The following SSUH2 variants were observed in gnomAD, a reference collection of about 807,000 sequenced individuals.
SSUH2 encodes ssu-2 homolog.
SSUH2 carries 47 observed loss-of-function variants against 55.3 expected under a neutral mutation model. The observed-to-expected ratio is 0.85, with a 90% CI of 0.67 to 1.08. The LOEUF is 1.08. SSUH2 is among the 50% of genes least tolerant of loss of function. SSUH2 has a pLI of 0.00. For synonymous variants in SSUH2, 212 were observed against 191.5 expected (o/e 1.11, Z -0.89); for missense variants, 535 against 490.7 (o/e 1.09, Z -0.85).
chr3:8,623,476 C>G (rs546681134), intron 11 of SSUH2, 73 bp downstream of exon 11: 2 of 933,828 alleles, frequency 2.1e-6, no homozygotes, highest in South Asian at 1.4e-5. Flanking sequence ...TCCGCTCCGA[C>G]GTTCTCAGGA....
intron 3 of SSUH2, among the ~76,000 whole-genome samples, chr3:8,673,978 C>T (rs749421654): frequency 2.0e-5 from 3 of 152,236 alleles, no homozygotes; most frequent in Non-Finnish European, 4.4e-5. Flanking sequence ...AAAATCAGCA[C>T]ATGATTCACA....
At chr3:8,680,252 C>G (rs1263187335) in intron 1 of SSUH2, among the ~76,000 whole-genome samples, 1 of 152,170 alleles carries the variant, frequency 6.6e-6, no homozygotes, top group Non-Finnish European at 1.5e-5. Flanking sequence ...AGCAAAGAAG[C>G]TGACTCCTGG....
intron 1 of SSUH2, among the ~76,000 whole-genome samples, chr3:8,642,391 G>T (rs1225488336): frequency 6.6e-6 from 1 of 152,186 alleles, no homozygotes; most frequent in Non-Finnish European, 1.5e-5. Flanking sequence ...TAGACTTGCA[G>T]CCTGGAATCA....
chr3:8,656,244 T>C (rs1422200877), intron 7 of SSUH2, among the ~76,000 whole-genome samples: 1 of 152,246 alleles, frequency 6.6e-6, no homozygotes, highest in East Asian at 1.9e-4. Context: ...CTCTTTTCCA[T>C]GTTCTGCTAA....
chr3:8,664,433 G>A (rs1156259889), intron 5 of SSUH2, among the ~76,000 whole-genome samples: 1 of 152,188 alleles, frequency 6.6e-6, no homozygotes, highest in Non-Finnish European at 1.5e-5. Context: ...CCAATTTGGA[G>A]CATTCATTTA....
chr3:8,644,607 G>A, intron 1 of SSUH2, 124 bp downstream of exon 1: 1 of 870,548 alleles, frequency 1.1e-6, no homozygotes, highest in Non-Finnish European at 1.8e-6. Flanking sequence ...TAGCTACAGA[G>A]CTTATTAGAA....
intron 11 of SSUH2, among the ~76,000 whole-genome samples, chr3:8,620,414 G>C (rs201046851): frequency 6.6e-6 from 1 of 152,164 alleles, no homozygotes; most frequent in South Asian, 2.1e-4. Context: ...CCAGCCATGG[G>C]AACTGTGAGT....
chr3:8,676,242 G>A (rs192107695), intron 3 of SSUH2, among the ~76,000 whole-genome samples: 2,669 of 152,092 alleles, frequency 0.018, 30 homozygotes, highest in Non-Finnish European at 0.025. Context: ...ACACCCGTCT[G>A]TACTGGGAGT....
chr3:8,655,813 G>A (rs1702881527), intron 7 of SSUH2, among the ~76,000 whole-genome samples: 1 of 152,184 alleles, frequency 6.6e-6, no homozygotes, highest in Admixed American at 6.5e-5. Context: ...ATGATTGAAG[G>A]TAGAGCAGAA....
intron 7 of SSUH2, among the ~76,000 whole-genome samples, chr3:8,628,865 T>G (rs933876221): frequency 1.3e-5 from 2 of 152,224 alleles, no homozygotes; most frequent in Non-Finnish European, 2.9e-5. Context: ...GTTTGTTTTT[T>G]GTTTTTTTGA....
chr3:8,660,444 G>T (rs1703363661), intron 6 of SSUH2, among the ~76,000 whole-genome samples: 2 of 152,126 alleles, frequency 1.3e-5, no homozygotes, highest in African/African-American at 4.8e-5. Flanking sequence ...AAGAAGAAAA[G>T]AACAAGTTTT....
intron 3 of SSUH2, chr3:8,634,266 G>T: frequency 1.4e-6 from 1 of 719,692 alleles, no homozygotes; most frequent in Non-Finnish European, 2.0e-6. Flanking sequence ...AGGGCTGATG[G>T]CAGCGCCCAT....
At chr3:8,676,123 A>T (rs1217650358) in intron 3 of SSUH2, among the ~76,000 whole-genome samples, 2 of 151,712 alleles carry the variant, frequency 1.3e-5, no homozygotes, top group African/African-American at 4.8e-5. Context: ...CTTAGGATCC[A>T]CGGTGGACTC....
chr3:8,633,692 C>G lies in SSUH2; in HGVS notation c.313G>C (p.Glu105Gln). ...CTGCAGAGGGTCTGCCGCTTCAGCTCCTGGATGACGAGGTCTCCAGCCACC... is the reference window on the plus strand; with the variant it reads ...CTGCAGAGGGTCTGCCGCTTCAGCTGCTGGATGACGAGGTCTCCAGCCACC... ...STVAGDLVIQ[E>Q]LKRQTLCRYR... is the part of the protein sequence containing the mutation. The change falls in exon 4 of 12, where the codon GAG becomes CAG. Residue 105 changes from glutamate to glutamine, a missense_variant. Coordinates refer to ENST00000544814, the MANE Select transcript of SSUH2 (RefSeq NM_001256748.3). The G allele has an allele frequency of 6.5e-7, 1 of 1,534,102 alleles. No individual in the cohort carries two copies. The highest frequency in any genetic ancestry group is 8.8e-7 in the Non-Finnish European group (1 of 1,141,394).
At chr3:8,641,760 C>T (rs887020358) in intron 1 of SSUH2, among the ~76,000 whole-genome samples, 13 of 152,384 alleles carry the variant, frequency 8.5e-5, no homozygotes, top group East Asian at 1.9e-4. Flanking sequence ...CCACAGCTAA[C>T]GGCAGCTTGG....
chr3:8,677,595 G>C (rs1575407766), intron 2 of SSUH2, among the ~76,000 whole-genome samples: 2 of 150,948 alleles, frequency 1.3e-5, no homozygotes, highest in Admixed American at 6.6e-5. Context: ...GTATGCATCA[G>C]AGAGAGAAAA....
In SSUH2 at chr3:8,635,748, T is replaced by C. The variant is rs1046502819; in HGVS notation, c.127+11A>G. On this transcript the variant is annotated intron_variant, in intron 2 of 11. Transcript: ENST00000544814. Reference sequence around the variant, plus strand: ...TAGAAGCCCAAAGAACCAAGCCCTCTTGGAACTTACTGCCCCCTTGAAGAA... The same window carrying C: ...TAGAAGCCCAAAGAACCAAGCCCTCCTGGAACTTACTGCCCCCTTGAAGAA... 2.0e-6 allele frequency: 3 copies of C among 1,534,152 alleles called. No homozygotes were observed. Among genetic ancestry groups the C allele is most frequent in the African/African-American group, 2.7e-5 (2 of 72,944 alleles).
rs901393742 is a variant in SSUH2, at chr3:8,635,833, G to C, written c.53C>G (p.Ala18Gly). The change falls in exon 2 of 12, where the codon GCC becomes GGC. Residue 18 changes from alanine (A) to glycine (G), a missense_variant. By Grantham distance (60) the Ala-to-Gly change is moderately conservative (BLOSUM62 0). Coordinates refer to ENST00000544814, the MANE Select transcript of SSUH2 (RefSeq NM_001256748.3). ...DDSVVDLSFE[A>G]ESPLAPPTEL... The stretch of plus-strand genomic sequence containing the variant: ...TGTGGGGGGCGCCAGAGGACTCTCG[G>C]CCTCAAAACTGAGGTCCACCACACC... 2 of 1,536,028 alleles carry C rather than the reference G, an allele frequency of 1.3e-6. No individual in the cohort carries two copies. The highest frequency in any genetic ancestry group is 2.0e-5 in the Admixed American group (1 of 51,004).
intron 6 of SSUH2, among the ~76,000 whole-genome samples, chr3:8,630,453 T>C (rs1698537365): frequency 6.6e-6 from 1 of 152,232 alleles, no homozygotes; most frequent in East Asian, 1.9e-4. Flanking sequence ...TTTTATTTTA[T>C]ATCAATTTCA....
Sources: gnomAD v4.1 joint callset for allele counts (sites outside exome capture counted in the v4.1 genomes callset) on GRCh38, gnomAD v4.1.1 for gene constraint, MANE v1.5 for transcripts, NCBI Gene and HGNC (gene_info 2026-07-23, HGNC 2026-07-21) for gene names.